The following TP53BP1 variants were observed in gnomAD, a reference collection of about 807,000 sequenced individuals.
TP53BP1 encodes TP53-binding protein 1.
Under a neutral mutation model 200.8 loss-of-function variants are expected in TP53BP1, and 61 were observed. The observed-to-expected ratio is 0.30, with a 90% CI of 0.25 to 0.38. The LOEUF (loss-of-function observed/expected upper bound fraction) is 0.38, where lower values mean the gene tolerates loss of function less well. Ranked by LOEUF, TP53BP1 falls within the 10% of genes least tolerant of loss-of-function variation. TP53BP1 has a pLI of 1.00. For missense variants in TP53BP1, 2,144 were observed against 2,371.9 expected (o/e 0.90, Z 2.00); for synonymous variants, 822 against 844.3 (o/e 0.97, Z 0.46).
chr15:43,411,103 T>C (rs1439244542), intron 24 of TP53BP1, among the ~76,000 whole-genome samples: 1 of 152,254 alleles, frequency 6.6e-6, no homozygotes, highest in African/African-American at 2.4e-5. Flanking sequence ...TTCTACTTTA[T>C]GTCTGCTTAA....
intron 14 of TP53BP1, among the ~76,000 whole-genome samples, chr15:43,442,413 A>G (rs2045946069): frequency 6.6e-6 from 1 of 151,914 alleles, no homozygotes; most frequent in Non-Finnish European, 1.5e-5. Context: ...TAATGGTACA[A>G]GTTTTTCTCA....
At chr15:43,488,206 G>C (rs967246533) in intron 4 of TP53BP1, among the ~76,000 whole-genome samples, 5 of 152,026 alleles carry the variant, frequency 3.3e-5, no homozygotes, top group Non-Finnish European at 7.4e-5. Flanking sequence ...GGCTGAGATG[G>C]GAGGATTGCT....
At chr15:43,413,682 A>G (rs2045188631) in intron 23 of TP53BP1, among the ~76,000 whole-genome samples, 2 of 152,156 alleles carry the variant, frequency 1.3e-5, no homozygotes, top group African/African-American at 2.4e-5. Context: ...TAATACAAAG[A>G]AATAGTAGGT....
chr15:43,448,119 C>T (rs1464628990), intron 12 of TP53BP1, among the ~76,000 whole-genome samples: 1 of 152,172 alleles, frequency 6.6e-6, no homozygotes, highest in Non-Finnish European at 1.5e-5. Flanking sequence ...TAAATCTCTG[C>T]ACAACAGTAA....
At chr15:43,427,978 GA>G in intron 18 of TP53BP1, 37 bp downstream of exon 18, 1 of 1,235,896 alleles carries the variant, frequency 8.1e-7, no homozygotes, top group Non-Finnish European at 1.1e-6. Flanking sequence ...AAAAAAGAAA[GA>G]AAGAAATTTG....
chr15:43,482,450 T>C (rs559779321), intron 4 of TP53BP1, among the ~76,000 whole-genome samples: 52 of 151,882 alleles, frequency 3.4e-4, no homozygotes, highest in Non-Finnish European at 6.3e-4. Context: ...ACGGCCAACA[T>C]GGTGCAACCC....
chr15:43,487,788 A>T (rs1233108021), intron 4 of TP53BP1, among the ~76,000 whole-genome samples: 2 of 151,888 alleles, frequency 1.3e-5, no homozygotes, highest in Non-Finnish European at 2.9e-5. Context: ...CATCTCAAAA[A>T]AAAAAAAAAA....
At chr15:43,453,915 G>C (rs1271306085) in intron 12 of TP53BP1, among the ~76,000 whole-genome samples, 4 of 151,816 alleles carry the variant, frequency 2.6e-5, no homozygotes, top group Admixed American at 6.6e-5. Flanking sequence ...GTATAAAATG[G>C]GACTGTTCTA....
At chr15:43,491,820 A>G (rs888623432) in intron 3 of TP53BP1, 67 bp from the exon 4 acceptor site, 2 of 1,309,952 alleles carry the variant, frequency 1.5e-6, no homozygotes, top group Non-Finnish European at 2.2e-6. Flanking sequence ...AAAATCAGGA[A>G]TACAGACAAT....
At chr15:43,482,084 C>T in intron 4 of TP53BP1, among the ~76,000 whole-genome samples, 1 of 151,446 alleles carries the variant, frequency 6.6e-6, no homozygotes, top group East Asian at 2.0e-4. Context: ...AAAAAATTAG[C>T]TGGGCGTGGT....
Position 43,420,327 on chromosome 15 carries a change from C to T in TP53BP1, c.4659G>A (p.Ser1553=), listed in dbSNP as rs371925735. ...TACCTGCACTGAAATACTCATCCTC[C>T]GAGAGGGCCGTCACTTCAGTGTCCA... ...IPLDTEVTAL[S]EDEYFSAGVV... The change falls in exon 21 of 28, where the codon TCG becomes TCA. Residue 1553 remains serine (S), a synonymous_variant. Coordinates refer to ENST00000382044, the MANE Select transcript of TP53BP1 (RefSeq NM_001141980.3). 13 of 1,613,754 alleles carry T rather than the reference C, an allele frequency of 8.1e-6. No individual in the cohort carries two copies. The highest frequency in any genetic ancestry group is 4.5e-5 in the East Asian group (2 of 44,888).
chr15:43,451,387 A>G (rs559994132), intron 12 of TP53BP1, among the ~76,000 whole-genome samples: 7 of 129,228 alleles, frequency 5.4e-5, no homozygotes, highest in African/African-American at 1.5e-4. Flanking sequence ...TCCTGTGTCC[A>G]TGTGTTCTCA....
chr15:43,420,193 C>T, intron 21 of TP53BP1, 112 bp downstream of exon 21: 1 of 1,074,436 alleles, frequency 9.3e-7, no homozygotes, highest in Non-Finnish European at 1.3e-6. Flanking sequence ...AAATTTCTGA[C>T]TTTAGAGACA....
intron 4 of TP53BP1, among the ~76,000 whole-genome samples, chr15:43,481,446 T>C (rs1210558215): frequency 7.9e-6 from 1 of 127,052 alleles, no homozygotes; most frequent in Non-Finnish European, 1.6e-5. Context: ...AAGGAGCTTA[T>C]ATATGTATAT....
At chr15:43,491,938 C>T in intron 3 of TP53BP1, 64 bp downstream of exon 3, 1 of 1,304,576 alleles carries the variant, frequency 7.7e-7, no homozygotes, top group East Asian at 2.3e-5. Context: ...AAGTTTAAAT[C>T]CACCCAGCAC....
intron 14 of TP53BP1, 42 bp from the exon 15 acceptor site, chr15:43,441,625 A>C (rs2045927240): frequency 1.4e-6 from 2 of 1,414,390 alleles, no homozygotes; most frequent in African/African-American, 2.8e-5. Context: ...AAAGAGAAAC[A>C]GAATTTAGTT....
In TP53BP1 at chr15:43,414,739, T is replaced by C. The variant is rs2045220278; in HGVS notation, c.5089+855A>G. Among the ~76,000 whole-genome samples the C allele has an allele frequency of 6.6e-5, 10 of 151,712 alleles. No homozygotes were observed. In the South Asian group the frequency reaches 2.1e-3, roughly 32 times the overall value. Reference sequence around the variant, plus strand: ...TTTTTTTTTTTTGATGGAGTCTCACTCTGTCACCCAGGATGGAGTGCCGTG... The same window carrying C: ...TTTTTTTTTTTTGATGGAGTCTCACCCTGTCACCCAGGATGGAGTGCCGTG... On this transcript the variant is annotated intron_variant, in intron 23 of 27. Transcript: ENST00000382044.
In TP53BP1 at chr15:43,457,234, A is replaced by C; in HGVS notation, c.1390-16T>G. 6.4e-7 allele frequency: 1 copy of C among 1,564,110 alleles called. No homozygotes were observed. Among genetic ancestry groups the C allele is most frequent in the South Asian group, 1.2e-5 (1 of 83,502 alleles). ...TAAAAATGTCCTAAGGAAGAACAGA[A>C]AGAGACAAATTGTAATTTGTACATG... On this transcript the variant is annotated splice_polypyrimidine_tract_variant and intron_variant, in intron 11 of 27. Coordinates refer to ENST00000382044, the MANE Select transcript of TP53BP1 (RefSeq NM_001141980.3).
intron 11 of TP53BP1, among the ~76,000 whole-genome samples, chr15:43,463,441 A>G (rs1041587405): frequency 6.6e-6 from 1 of 152,244 alleles, no homozygotes; most frequent in Non-Finnish European, 1.5e-5. Flanking sequence ...AAAAGAAATA[A>G]CAGATGAACA....
Sources: gnomAD v4.1 joint callset for allele counts (sites outside exome capture counted in the v4.1 genomes callset) on GRCh38, gnomAD v4.1.1 for gene constraint, MANE v1.5 for transcripts, NCBI Gene and HGNC (gene_info 2026-07-23, HGNC 2026-07-21) for gene names.